ZFAT: variants seen among roughly 807,000 people sequenced by gnomAD.
ZFAT encodes zinc finger and AT-hook domain containing, also known as zinc finger protein ZFAT.
Under a neutral mutation model 117.7 loss-of-function variants are expected in ZFAT, and 64 were observed. That is an observed-to-expected ratio of 0.54 (90% CI 0.44 to 0.67). The LOEUF (loss-of-function observed/expected upper bound fraction) is 0.67. Among genes scored for constraint, ZFAT ranks in the 30% least tolerant of loss-of-function variants. The pLI is 0.00. For synonymous variants in ZFAT, 679 were observed against 615.0 expected (o/e 1.10, Z -1.54); for missense variants, 1,433 against 1,584.5 (o/e 0.90, Z 1.62).
chr8:134,675,523 A>C (rs1342599220), intron 1 of ZFAT, among the ~76,000 whole-genome samples: 2 of 152,340 alleles, frequency 1.3e-5, no homozygotes, highest in African/African-American at 4.8e-5. Flanking sequence ...CAAGTTGGAA[A>C]ACACTCTGCA....
At chr8:134,495,255 C>T (rs140381178) in intron 15 of ZFAT, among the ~76,000 whole-genome samples, 108 of 152,250 alleles carry the variant, frequency 7.1e-4, no homozygotes, top group Admixed American at 2.2e-3. Context: ...GGTTACAGTG[C>T]GGGCCCCTCT....
intron 3 of ZFAT, 98 bp downstream of exon 3, chr8:134,637,363 T>C: frequency 4.9e-6 from 7 of 1,435,748 alleles, no homozygotes; most frequent in Non-Finnish European, 5.7e-6. Flanking sequence ...AATAAATATG[T>C]GCTATTTCCA....
At chr8:134,675,541 A>T (rs1001528661) in intron 1 of ZFAT, among the ~76,000 whole-genome samples, 13 of 152,224 alleles carry the variant, frequency 8.5e-5, no homozygotes, top group African/African-American at 3.1e-4. Context: ...GCAGGATATT[A>T]TCCAGGAGAA....
At chr8:134,756,293 A>G in the ZFAT span, among the ~76,000 whole-genome samples, 19 of 152,132 alleles carry the variant, frequency 1.2e-4, no homozygotes, top group Non-Finnish European at 2.4e-4. Flanking sequence ...TCACCTCCAG[A>G]TTCTCATTTG....
At chr8:134,531,871 G>C (rs978709673) in intron 12 of ZFAT, among the ~76,000 whole-genome samples, 2 of 152,200 alleles carry the variant, frequency 1.3e-5, no homozygotes, top group African/African-American at 4.8e-5. Flanking sequence ...ACAGCGAGCG[G>C]AGCTTCACGC....
chr8:134,766,532 A>T, the ZFAT span: 2 of 152,272 alleles, frequency 1.3e-5, no homozygotes, highest in South Asian at 4.1e-4. Context: ...TTCCAATCCC[A>T]GCAATGCCAG....
At chr8:134,554,323 AC>A (rs1473499655) in intron 11 of ZFAT, among the ~76,000 whole-genome samples, 13 of 152,346 alleles carry the variant, frequency 8.5e-5, no homozygotes, top group Admixed American at 8.5e-4. Flanking sequence ...CTGATCTCAC[AC>A]TAACAACTTG....
chr8:134,587,692 G>A (rs1341165223), intron 9 of ZFAT, among the ~76,000 whole-genome samples: 3 of 152,154 alleles, frequency 2.0e-5, no homozygotes, highest in Non-Finnish European at 4.4e-5. Flanking sequence ...AGCCCTGAGA[G>A]TGGCCCCACA....
Position 134,478,429 on chromosome 8 carries a change from TGCCTGCAGAGCCTGGCAGCCCC to T in ZFAT, c.*31_*52del, listed in dbSNP as rs1384264526. On this transcript the variant is annotated 3_prime_UTR_variant, in exon 16 of 16. Transcript: ENST00000377838. This position sits in a 1 kb window ranked among gnomAD's most constrained non-coding sequence, Gnocchi z 5.2. Reference sequence around the variant, plus strand: ...GGAAGGGTGGCCTCCCCACCCTGGGTGCCTGCAGAGCCTGGCAGCCCCGCCCTGTGGCCATCCGATGCCACAT... The same window carrying T: ...GGAAGGGTGGCCTCCCCACCCTGGGTGCCCTGTGGCCATCCGATGCCACAT... The T allele has an allele frequency of 9.8e-6, 15 of 1,529,544 alleles. No homozygotes were observed. The highest frequency in any genetic ancestry group is 1.2e-5 in the Non-Finnish European group (14 of 1,134,914). 94.7% of individuals were successfully genotyped at this position (1,529,544 alleles called of 1,614,324 possible).
chr8:134,562,217 C>T (rs1747458250), intron 11 of ZFAT, among the ~76,000 whole-genome samples: 1 of 152,092 alleles, frequency 6.6e-6, no homozygotes, highest in African/African-American at 2.4e-5. Context: ...GCCAGAAATG[C>T]AAGGAAGTGA....
chr8:134,747,353 G>A, the ZFAT span, among the ~76,000 whole-genome samples: 1 of 152,138 alleles, frequency 6.6e-6, no homozygotes, highest in Non-Finnish European at 1.5e-5. Context: ...GCCTCCCAAA[G>A]TGCTGGGATT....
intron 14 of ZFAT, among the ~76,000 whole-genome samples, chr8:134,511,888 T>A (rs1819874991): frequency 6.6e-6 from 1 of 152,154 alleles, no homozygotes; most frequent in African/African-American, 2.4e-5. Flanking sequence ...ATCCTGGTCT[T>A]TCAGGTCTGC....
chr8:134,550,811 C>A (rs1262481589), intron 11 of ZFAT, among the ~76,000 whole-genome samples: 7 of 152,156 alleles, frequency 4.6e-5, no homozygotes, highest in Non-Finnish European at 1.0e-4. Flanking sequence ...CTGTTACCAC[C>A]ACCACATGGC....
intron 1 of ZFAT, among the ~76,000 whole-genome samples, chr8:134,672,703 A>C (rs1161515831): frequency 6.6e-6 from 1 of 152,240 alleles, no homozygotes; most frequent in African/African-American, 2.4e-5. Flanking sequence ...ATACAATGGA[A>C]CTCAGACGGA....
At chr8:134,747,383 C>T in the ZFAT span, among the ~76,000 whole-genome samples, 1 of 152,218 alleles carries the variant, frequency 6.6e-6, no homozygotes, top group South Asian at 2.1e-4. Flanking sequence ...AGCCACTGCA[C>T]TCAGCCTCTA....
At chr8:134,757,151 G>T in the ZFAT span, among the ~76,000 whole-genome samples, 1 of 151,604 alleles carries the variant, frequency 6.6e-6, no homozygotes, top group African/African-American at 2.4e-5. Context: ...CAAGTAGCTG[G>T]GACTACAGGC....
the ZFAT span, among the ~76,000 whole-genome samples, chr8:134,821,874 A>G: frequency 2.0e-5 from 3 of 152,126 alleles, no homozygotes; most frequent in Non-Finnish European, 4.4e-5. Flanking sequence ...AGGCCCAAAC[A>G]GCATTTCTTT....
chr8:134,555,141 C>G (rs918311427), intron 11 of ZFAT, among the ~76,000 whole-genome samples: 1 of 152,160 alleles, frequency 6.6e-6, no homozygotes, highest in African/African-American at 2.4e-5. Flanking sequence ...TGCGAGCTGC[C>G]AAGGGTCTTC....
Position 134,478,752 on chromosome 8 carries a change from C to CA in ZFAT, c.3493-32dup, listed in dbSNP as rs1563753409. The CA allele has an allele frequency of 1.2e-5, 18 of 1,535,278 alleles. No individual in the cohort carries two copies. The highest frequency in any genetic ancestry group is 1.6e-5 in the Non-Finnish European group (18 of 1,138,390). ...GGAGGAGGGCAAGAGAAAGGTCACC[C>CA]AGCGCCTACTTCCCGGTCCAGCGTA... On this transcript the variant is annotated intron_variant, in intron 15 of 15. Transcript: ENST00000377838. This position sits in a 1 kb window ranked among gnomAD's most constrained non-coding sequence, Gnocchi z 5.2.
Sources: allele counts gnomAD v4.1 joint callset (sites outside exome capture counted in the v4.1 genomes callset), GRCh38; gene constraint gnomAD v4.1.1; non-coding constraint Gnocchi (gnomAD v3.1); transcripts MANE v1.5; gene names NCBI Gene and HGNC (gene_info 2026-07-23, HGNC 2026-07-21).